NTM: variants seen among roughly 807,000 people sequenced by gnomAD.
NTM encodes IgLON family member 2.
NTM carries 13 observed loss-of-function variants against 42.1 expected under a neutral mutation model. That is an observed-to-expected ratio of 0.31 (90% CI 0.20 to 0.49). NTM has a LOEUF of 0.49. NTM is among the 20% of genes least tolerant of loss of function. NTM has a pLI of 0.99. For synonymous variants in NTM, 187 were observed against 179.2 expected (o/e 1.04, Z -0.35); for missense variants, 373 against 452.8 (o/e 0.82, Z 1.60).
At chr11:132,153,604 A>G (rs2072483408) in intron 3 of NTM, among the ~76,000 whole-genome samples, 1 of 152,154 alleles carries the variant, frequency 6.6e-6, no homozygotes, top group Non-Finnish European at 1.5e-5. Flanking sequence ...AAAAGACCCA[A>G]AGATTCTGGT....
At chr11:131,678,996 C>T (rs1308710914) in intron 1 of NTM, among the ~76,000 whole-genome samples, 2 of 152,172 alleles carry the variant, frequency 1.3e-5, no homozygotes, top group Non-Finnish European at 2.9e-5. Context: ...TACATGATTG[C>T]TTTTAAAATA....
chr11:132,069,175 G>A (rs542064862), intron 2 of NTM, among the ~76,000 whole-genome samples: 64 of 151,336 alleles, frequency 4.2e-4, no homozygotes, highest in African/African-American at 1.2e-3. Flanking sequence ...TAGTTAACAC[G>A]TCACACAGCC....
chr11:131,721,262 CCCT>C (rs1190964866), intron 1 of NTM, among the ~76,000 whole-genome samples: 1 of 152,084 alleles, frequency 6.6e-6, no homozygotes, highest in Non-Finnish European at 1.5e-5. Context: ...TACAATGCTA[CCCT>C]TATTCCGCTC....
At chr11:131,904,105 C>A (rs764710330) in intron 1 of NTM, among the ~76,000 whole-genome samples, 58 of 152,020 alleles carry the variant, frequency 3.8e-4, no homozygotes, top group Admixed American at 5.2e-4. Context: ...TACAGTTGGA[C>A]CCATATGTTA....
chr11:131,411,087 G>A (rs1268809121), intron 1 of NTM, among the ~76,000 whole-genome samples: 1 of 152,006 alleles, frequency 6.6e-6, no homozygotes, highest in Non-Finnish European at 1.5e-5. Flanking sequence ...TTTGTCCCTG[G>A]GGGTTCCCAC....
chr11:132,275,715 TATATATATAC>T (rs1364690495), intron 4 of NTM, among the ~76,000 whole-genome samples: 8 of 123,972 alleles, frequency 6.5e-5, no homozygotes, highest in Middle Eastern at 9.3e-3. Context: ...TATATATATG[TATATATATAC>T]GTATATATAC....
At chr11:132,203,861 T>G (rs1418387791) in intron 3 of NTM, among the ~76,000 whole-genome samples, 2 of 152,034 alleles carry the variant, frequency 1.3e-5, no homozygotes, top group Non-Finnish European at 2.9e-5. Context: ...ATCGCACCAC[T>G]GCACTCCAGC....
At chr11:131,735,837 TGTG>T (rs1253082593) in intron 1 of NTM, among the ~76,000 whole-genome samples, 1 of 64,544 alleles carries the variant, frequency 1.5e-5, no homozygotes, top group East Asian at 3.5e-4. Flanking sequence ...ATTCATAAGG[TGTG>T]TGTGTGTGTG....
chr11:132,212,296 CGTTG>C, intron 4 of NTM, 149 bp downstream of exon 4: 1 of 618,424 alleles, frequency 1.6e-6, no homozygotes, highest in Non-Finnish European at 2.8e-6. Flanking sequence ...CTGCAGAGAA[CGTTG>C]ATGTTCTCTG....
chr11:132,206,652 T>A (rs944373592), intron 3 of NTM, among the ~76,000 whole-genome samples: 1 of 152,204 alleles, frequency 6.6e-6, no homozygotes, highest in African/African-American at 2.4e-5. Context: ...CTGCGTTGCC[T>A]CTTGTAGTCA....
chr11:131,833,777 G>A (rs890559762), intron 1 of NTM, among the ~76,000 whole-genome samples: 1 of 152,146 alleles, frequency 6.6e-6, no homozygotes, highest in Admixed American at 6.5e-5. Context: ...GGTTAAAGAT[G>A]GGGGGATGCA....
At chr11:131,986,252 C>G (rs1356982727) in intron 2 of NTM, among the ~76,000 whole-genome samples, 1 of 152,210 alleles carries the variant, frequency 6.6e-6, no homozygotes, top group Non-Finnish European at 1.5e-5. Flanking sequence ...TCTCTGCTGG[C>G]TGTTCACATG....
At chr11:131,833,060 C>T (rs1368962784) in intron 1 of NTM, among the ~76,000 whole-genome samples, 1 of 152,180 alleles carries the variant, frequency 6.6e-6, no homozygotes, top group Non-Finnish European at 1.5e-5. Context: ...TAGTAACTAG[C>T]TCAGAAAACA....
At chr11:131,472,440 G>A (rs1241160164) in intron 1 of NTM, among the ~76,000 whole-genome samples, 1 of 152,166 alleles carries the variant, frequency 6.6e-6, no homozygotes, top group Non-Finnish European at 1.5e-5. Context: ...GATTTAACTT[G>A]TTCTGAACCT....
intron 1 of NTM, among the ~76,000 whole-genome samples, chr11:131,826,293 T>C (rs1316785046): frequency 6.6e-6 from 1 of 152,080 alleles, no homozygotes. Context: ...CCTTAGCATG[T>C]TGGCAGAAGA....
At chr11:131,811,380 A>C (rs969597835) in intron 1 of NTM, among the ~76,000 whole-genome samples, 1 of 152,212 alleles carries the variant, frequency 6.6e-6, no homozygotes, top group Admixed American at 6.5e-5. Context: ...ACCCAAGTGT[A>C]CAAATCAGGA....
chr11:132,167,969 G>A (rs966438495), intron 3 of NTM, among the ~76,000 whole-genome samples: 1 of 152,208 alleles, frequency 6.6e-6, no homozygotes, highest in African/African-American at 2.4e-5. Flanking sequence ...AATTGCTGTA[G>A]AGAGTGCAGT....
intron 1 of NTM, among the ~76,000 whole-genome samples, chr11:131,778,098 A>G (rs34630947): frequency 0.01 from 1,572 of 152,324 alleles, 17 homozygotes; most frequent in Non-Finnish European, 0.015. Flanking sequence ...ACCCCACTCA[A>G]TACATAGGAT....
chr11:131,422,070 C>T (rs1947592184), intron 1 of NTM, among the ~76,000 whole-genome samples: 1 of 152,170 alleles, frequency 6.6e-6, no homozygotes, highest in Admixed American at 6.5e-5. Flanking sequence ...ATTTTGTCCA[C>T]AACGTAGTTA....
Sources: allele counts gnomAD v4.1 joint callset (sites outside exome capture counted in the v4.1 genomes callset), GRCh38; gene constraint gnomAD v4.1.1; transcripts MANE v1.5; gene names NCBI Gene and HGNC (gene_info 2026-07-23, HGNC 2026-07-21).